The following CREB1 variants were observed in gnomAD, a reference collection of about 807,000 sequenced individuals.
CREB1 encodes cyclic AMP-responsive element-binding protein 1.
A neutral mutation model predicts 42.0 loss-of-function variants in CREB1; 2 were observed. The ratio of observed to expected loss-of-function variants is 0.05; its 90% CI spans 0.02 to 0.15. The LOEUF is 0.15. CREB1 is among the 10% of genes least tolerant of loss of function. The pLI is 1.00. For missense variants in CREB1, 199 were observed against 388.9 expected, an observed-to-expected ratio of 0.51 and a Z score of 4.11; for synonymous variants, 123 against 139.9, an observed-to-expected ratio of 0.88 and a Z score of 0.85.
At chr2:207,580,930 C>T (rs2082885019) in intron 7 of CREB1, 1 of 217,412 alleles carries the variant, frequency 4.6e-6, no homozygotes, top group East Asian at 6.8e-5. Flanking sequence ...GTTACATCTA[C>T]TCGTGATCTG....
chr2:207,587,248 C>A (rs2084025505), intron 7 of CREB1, among the ~76,000 whole-genome samples: 1 of 151,984 alleles, frequency 6.6e-6, no homozygotes, highest in South Asian at 2.1e-4. Flanking sequence ...AAAAATTCAG[C>A]CAGGCATGGT....
intron 3 of CREB1, among the ~76,000 whole-genome samples, chr2:207,565,672 G>A (rs562358032): frequency 6.6e-6 from 1 of 152,142 alleles, no homozygotes; most frequent in South Asian, 2.1e-4. Flanking sequence ...ATCACTATAT[G>A]TCCTTAAGAG....
At chr2:207,557,062 C>T (rs544106835) in intron 2 of CREB1, among the ~76,000 whole-genome samples, 9 of 152,026 alleles carry the variant, frequency 5.9e-5, no homozygotes, top group Non-Finnish European at 7.4e-5. Flanking sequence ...TGCTTAAGTC[C>T]GGGAGGCAGA....
intron 7 of CREB1, among the ~76,000 whole-genome samples, chr2:207,588,741 T>G (rs58304838): frequency 0.48 from 65,771 of 137,720 alleles, 15,677 homozygotes; most frequent in South Asian, 0.62. Flanking sequence ...TTTTTTTTTT[T>G]TGTGTGTGGG....
intron 3 of CREB1, among the ~76,000 whole-genome samples, chr2:207,565,282 TATTG>T: frequency 6.6e-6 from 1 of 152,200 alleles, no homozygotes. Flanking sequence ...GTATTTTTAT[TATTG>T]ATTAAGTGAT....
chr2:207,531,554 T>C (rs116092020), intron 1 of CREB1, among the ~76,000 whole-genome samples: 1 of 152,366 alleles, frequency 6.6e-6, no homozygotes, highest in Non-Finnish European at 1.5e-5. Flanking sequence ...CAAGTTATAA[T>C]TCTAACCTCA....
intron 1 of CREB1, among the ~76,000 whole-genome samples, chr2:207,542,687 T>C (rs927612991): frequency 6.6e-6 from 1 of 152,200 alleles, no homozygotes; most frequent in African/African-American, 2.4e-5. Flanking sequence ...ATTTTTCTTT[T>C]CTTGTTTGTG....
At chr2:207,532,887 C>T (rs547597261) in intron 1 of CREB1, among the ~76,000 whole-genome samples, 326 of 152,020 alleles carry the variant, frequency 2.1e-3, no homozygotes, top group Admixed American at 4.5e-3. Flanking sequence ...CCCCGAGTAG[C>T]TGGGATTACA....
intron 1 of CREB1, among the ~76,000 whole-genome samples, chr2:207,540,302 C>T (rs542880595): frequency 1.3e-5 from 2 of 152,110 alleles, no homozygotes; most frequent in South Asian, 2.1e-4. Flanking sequence ...CAATCTTGAC[C>T]CTGTGTAGGC....
intron 1 of CREB1, among the ~76,000 whole-genome samples, chr2:207,548,598 A>G (rs1380819924): frequency 2.0e-5 from 3 of 151,994 alleles, no homozygotes. Flanking sequence ...TAAAAATACA[A>G]AAATTAGCCA....
In CREB1 at chr2:207,598,486, TAAAAA is replaced by T. The variant is rs143222694; in HGVS notation, c.*1440_*1444del. The T allele has an allele frequency of 1.2e-4, 21 of 168,978 alleles. No homozygotes were observed. The highest frequency in any genetic ancestry group is 5.9e-4 in the East Asian group (6 of 10,104). The allele number at this position is 168,978 out of a possible 1,614,324, so 10.5% of individuals were successfully genotyped here. A position where few individuals can be genotyped will look rare whatever the true frequency, so the allele number is the denominator to read the frequency against. On this transcript the variant is annotated 3_prime_UTR_variant, in exon 8 of 8. Transcript: ENST00000353267. Reference sequence around the variant, plus strand: ...GCTCGATAAATCTAACAGTTACTCTTAAAAAAAAAAAAAAAAGACTAAGGTGGATT... The same window carrying T: ...GCTCGATAAATCTAACAGTTACTCTTAAAAAAAAAAAGACTAAGGTGGATT...
intron 1 of CREB1, among the ~76,000 whole-genome samples, chr2:207,535,668 C>T (rs1485239883): frequency 6.6e-6 from 1 of 151,838 alleles, no homozygotes; most frequent in Admixed American, 6.6e-5. Context: ...TTTTTTACCC[C>T]CGTGGGGAAA....
chr2:207,551,276 C>G (rs1011980614), intron 1 of CREB1, among the ~76,000 whole-genome samples: 2 of 152,196 alleles, frequency 1.3e-5, no homozygotes, highest in African/African-American at 4.8e-5. Context: ...TTAATTACTA[C>G]TGTTTTTACT....
At position 207,576,262 on chromosome 2, in the gene CREB1, T is replaced by G. The variant is rs1298188342; in HGVS notation, c.688+808T>G. 1.2e-4 allele frequency among the ~76,000 whole-genome samples: 17 copies of G among 145,776 alleles called. No homozygotes were observed. In the East Asian group the frequency reaches 3.0e-3, roughly 25 times the overall value. ...TTGGCTTTTTTTTTTTTTTTTTTAG[T>G]TTTTTTTTTCTGTTTATTTCAGGAA... On this transcript the variant is annotated intron_variant, in intron 6 of 7. Coordinates refer to ENST00000353267, the MANE Select transcript of CREB1 (RefSeq NM_004379.5).
intron 6 of CREB1, chr2:207,576,872 TTTG>T (rs2082618553): frequency 1.1e-6 from 1 of 945,768 alleles, no homozygotes; most frequent in African/African-American, 1.8e-5. Context: ...AGTGATTGTG[TTTG>T]TTTTTACAAA....
intron 7 of CREB1, chr2:207,581,969 G>T: frequency 1.4e-6 from 1 of 701,892 alleles, no homozygotes; most frequent in Non-Finnish European, 2.6e-6. Flanking sequence ...TGAGATAATA[G>T]GTTTTGGGGA....
rs1178880900 is a variant in CREB1 at position 207,598,063 on chromosome 2, A to G, written c.*1005A>G. ...AAGCCTTCAAGATGTCAAATAAAGC[A>G]AAGTGATATATATTTGTTTATGAAA... On this transcript the variant is annotated 3_prime_UTR_variant, in exon 8 of 8. Coordinates refer to ENST00000353267, the MANE Select transcript of CREB1 (RefSeq NM_004379.5). 1 of 181,066 alleles carries G rather than the reference A, an allele frequency of 5.5e-6. No homozygotes were observed. Among genetic ancestry groups the G allele is most frequent in the Non-Finnish European group, 1.2e-5 (1 of 84,756 alleles). 11.2% of individuals were successfully genotyped at this position (181,066 alleles called of 1,614,324 possible). A position where few individuals can be genotyped will look rare whatever the true frequency, so the allele number is the denominator to read the frequency against.
chr2:207,549,969 C>CAA (rs879282723), intron 1 of CREB1, among the ~76,000 whole-genome samples: 1 of 112,476 alleles, frequency 8.9e-6, no homozygotes, highest in Admixed American at 9.4e-5. Flanking sequence ...GACTCCATCT[C>CAA]AAAAAAAAAA....
At position 207,604,298 on chromosome 2, in the gene CREB1, T is replaced by G. The variant is rs2087670796; in HGVS notation, c.*7240T>G. Among the ~76,000 whole-genome samples, 1 of 152,218 alleles carries G rather than the reference T, an allele frequency of 6.6e-6. No individual in the cohort carries two copies. Among genetic ancestry groups the G allele is most frequent in the African/African-American group, 2.4e-5 (1 of 41,460 alleles). On this transcript the variant is annotated 3_prime_UTR_variant, in exon 8 of 8. Transcript: ENST00000353267. ...CGCCACTGAAGACTTAACATATGTC[T>G]TTTACACTCAGGTTGCAAAACACAG...
Sources: allele counts gnomAD v4.1 joint callset (sites outside exome capture counted in the v4.1 genomes callset), GRCh38; gene constraint gnomAD v4.1.1; transcripts MANE v1.5; gene names NCBI Gene and HGNC (gene_info 2026-07-23, HGNC 2026-07-21).